Variants in RORA observed in about 807,000 individuals in gnomAD.
RORA encodes the protein nuclear receptor ROR-alpha.
Under a neutral mutation model 69.5 loss-of-function variants are expected in RORA, and 7 were observed. That is an observed-to-expected ratio of 0.10 (90% CI 0.06 to 0.19). RORA has a LOEUF of 0.19. RORA is among the 10% of genes least tolerant of loss of function. The pLI, the probability that RORA is intolerant of heterozygous loss-of-function variation, is 1.00. For missense variants in RORA, 457 were observed against 663.0 expected (o/e 0.69, Z 3.41); for synonymous variants, 261 against 240.8 (o/e 1.08, Z -0.78).
At chr15:60,980,801 T>C (rs1698298056) in intron 1 of RORA, among the ~76,000 whole-genome samples, 1 of 152,110 alleles carries the variant, frequency 6.6e-6, no homozygotes, top group South Asian at 2.1e-4. Flanking sequence ...TTTGTCAATT[T>C]TGTTAATCTT....
At chr15:60,627,272 C>T in intron 2 of RORA, 1 of 1,614,006 alleles carries the variant, frequency 6.2e-7, no homozygotes, top group African/African-American at 1.3e-5. Flanking sequence ...GTGGGTGTGG[C>T]AGACATTCTG....
chr15:60,746,936 A>G (rs1347355405), intron 1 of RORA, among the ~76,000 whole-genome samples: 4 of 152,194 alleles, frequency 2.6e-5, no homozygotes, highest in Non-Finnish European at 5.9e-5. Flanking sequence ...ATTACTCTGA[A>G]TAAAATAGTG....
intron 1 of RORA, among the ~76,000 whole-genome samples, chr15:60,868,668 T>C (rs1247400218): frequency 3.9e-5 from 6 of 152,032 alleles, no homozygotes; most frequent in Admixed American, 3.9e-4. Flanking sequence ...CGGTTTCAAA[T>C]CCATTCAATC....
chr15:60,707,286 C>T (rs2071076178), intron 1 of RORA, among the ~76,000 whole-genome samples: 1 of 152,104 alleles, frequency 6.6e-6, no homozygotes, highest in African/African-American at 2.4e-5. Flanking sequence ...GCCCCTCATA[C>T]AAGTACGAAT....
chr15:60,996,303 C>G lies in RORA; in HGVS notation c.166+232750G>C, dbSNP rs561787648. Among the ~76,000 whole-genome samples the G allele has an allele frequency of 6.6e-5, 10 of 152,178 alleles. No homozygotes were observed. The South Asian group carries it at 2.1e-3, about 32-fold the overall frequency. On this transcript the variant is annotated intron_variant, in intron 1 of 10. Coordinates refer to ENST00000335670, the MANE Select transcript of RORA (RefSeq NM_134261.3). ...GCCAGGCTGGAATCGAACTCCTGAC[C>G]TCAAGTGTTCTGCCTGCCTCGGCCT...
intron 2 of RORA, among the ~76,000 whole-genome samples, chr15:60,631,197 G>A (rs2069729992): frequency 6.6e-6 from 1 of 152,264 alleles, no homozygotes; most frequent in Non-Finnish European, 1.5e-5. Flanking sequence ...CCAGCAGCAT[G>A]AGACTTTCTA....
At chr15:61,180,547 G>A (rs1313007433) in intron 1 of RORA, among the ~76,000 whole-genome samples, 2 of 152,116 alleles carry the variant, frequency 1.3e-5, no homozygotes, top group Non-Finnish European at 2.9e-5. Flanking sequence ...TATTCATCTT[G>A]CAAAATCCAG....
At chr15:61,094,449 A>T (rs1205175352) in intron 1 of RORA, among the ~76,000 whole-genome samples, 4 of 152,150 alleles carry the variant, frequency 2.6e-5, no homozygotes, top group Non-Finnish European at 5.9e-5. Context: ...GTTTTAAGAG[A>T]CACCAGTACA....
chr15:60,492,866 G>T lies in RORA; in HGVS notation c.*4589C>A, dbSNP rs998291207. The T allele has an allele frequency of 6.6e-6, 1 of 151,998 alleles. No homozygotes were observed. The allele number at this position is 151,998 out of a possible 1,614,324, so 9.4% of individuals were successfully genotyped here. On this transcript the variant is annotated 3_prime_UTR_variant, in exon 11 of 11. Coordinates refer to ENST00000335670, the MANE Select transcript of RORA (RefSeq NM_134261.3). Reference sequence around the variant, plus strand: ...ACGAGAGTAAAGAGTTTACACACACGCAGTTCTATATAGTTCACTTGTGCC... The same window carrying T: ...ACGAGAGTAAAGAGTTTACACACACTCAGTTCTATATAGTTCACTTGTGCC...
chr15:61,160,044 A>C (rs916173106), intron 1 of RORA, among the ~76,000 whole-genome samples: 2 of 152,154 alleles, frequency 1.3e-5, no homozygotes, highest in Admixed American at 1.3e-4. Context: ...CAGTTTCCTT[A>C]CCTATAAAAC....
At chr15:60,991,853 C>T (rs1209168613) in intron 1 of RORA, among the ~76,000 whole-genome samples, 1 of 151,840 alleles carries the variant, frequency 6.6e-6, no homozygotes, top group African/African-American at 2.4e-5. Context: ...CTATAGCAAG[C>T]CATGACAGCA....
rs147490864 is a variant in RORA at position 61,116,467 on chromosome 15, T to G, written c.166+112586A>C. 4.0e-3 allele frequency among the ~76,000 whole-genome samples: 613 copies of G among 152,274 alleles called. 3 individuals carry two copies. Among genetic ancestry groups the G allele is most frequent in the African/African-American group, 0.014 (588 of 41,554 alleles). On this transcript the variant is annotated intron_variant, in intron 1 of 10. Transcript: ENST00000335670. The stretch of plus-strand genomic sequence containing the variant: ...CTTCCCCTAAGCACCTCACAACATA[T>G]TCACCTATCACCGGATACCCCATTC...
At chr15:60,712,849 G>T (rs2071162737) in intron 1 of RORA, among the ~76,000 whole-genome samples, 1 of 152,162 alleles carries the variant, frequency 6.6e-6, no homozygotes, top group Non-Finnish European at 1.5e-5. Flanking sequence ...ACTTAGAACA[G>T]ATTTGTCTTT....
intron 1 of RORA, among the ~76,000 whole-genome samples, chr15:60,797,131 C>T (rs1223597999): frequency 1.3e-5 from 2 of 150,072 alleles, no homozygotes; most frequent in Non-Finnish European, 3.0e-5. Context: ...TTGCCAGTGG[C>T]AGAAGGGAAT....
intron 1 of RORA, among the ~76,000 whole-genome samples, chr15:61,037,539 G>T (rs998045042): frequency 6.6e-6 from 1 of 152,162 alleles, no homozygotes; most frequent in African/African-American, 2.4e-5. Flanking sequence ...GAACCAGCAA[G>T]CACGCACTCT....
intron 1 of RORA, among the ~76,000 whole-genome samples, chr15:61,173,820 G>A (rs1234200226): frequency 6.6e-6 from 1 of 152,084 alleles, no homozygotes; most frequent in Non-Finnish European, 1.5e-5. Context: ...CTGTGCCACC[G>A]TGCCTGGATG....
At chr15:61,158,874 G>A (rs547377600) in intron 1 of RORA, among the ~76,000 whole-genome samples, 46 of 152,164 alleles carry the variant, frequency 3.0e-4, no homozygotes, top group Middle Eastern at 3.2e-3. Context: ...GGGGAGGTCC[G>A]CAAGGAAAAG....
intron 1 of RORA, among the ~76,000 whole-genome samples, chr15:60,970,340 C>T (rs753107854): frequency 2.0e-5 from 3 of 152,214 alleles, no homozygotes; most frequent in Non-Finnish European, 4.4e-5. Context: ...TATTGCTTCA[C>T]TTGTCCTCAA....
chr15:60,952,256 A>G (rs1893130949), intron 1 of RORA, among the ~76,000 whole-genome samples: 1 of 152,064 alleles, frequency 6.6e-6, no homozygotes, highest in Non-Finnish European at 1.5e-5. Flanking sequence ...CAGGCTAAAA[A>G]CTCTCAATAA....
Sources: gnomAD v4.1 joint callset for allele counts (sites outside exome capture counted in the v4.1 genomes callset) on GRCh38, gnomAD v4.1.1 for gene constraint, MANE v1.5 for transcripts, NCBI Gene and HGNC (gene_info 2026-07-23, HGNC 2026-07-21) for gene names.